EPHA6: variants seen among roughly 807,000 people sequenced by gnomAD.
EPHA6 encodes the protein ephrin type-A receptor 6.
A neutral mutation model predicts 112.0 loss-of-function variants in EPHA6; 50 were observed. The ratio of observed to expected loss-of-function variants is 0.45; its 90% confidence interval spans 0.36 to 0.56. The LOEUF is 0.56. Ranked by LOEUF, EPHA6 falls within the 20% of genes least tolerant of loss-of-function variation. The pLI is 0.00. For synonymous variants in EPHA6, 529 were observed against 490.7 expected (o/e 1.08, Z -1.03); for missense variants, 1,280 against 1,417.4 (o/e 0.90, Z 1.56).
chr3:97,486,407 T>C (rs1364346916), intron 10 of EPHA6, among the ~76,000 whole-genome samples: 1 of 152,210 alleles, frequency 6.6e-6, no homozygotes, highest in Non-Finnish European at 1.5e-5. Context: ...TTTAGATCAT[T>C]GTTATAGCCC....
intron 10 of EPHA6, among the ~76,000 whole-genome samples, chr3:97,522,394 A>T (rs1238049922): frequency 6.6e-6 from 1 of 152,202 alleles, no homozygotes; most frequent in Admixed American, 6.5e-5. Flanking sequence ...CCCAGGGATA[A>T]ATTCCAGTTG....
intron 3 of EPHA6, among the ~76,000 whole-genome samples, chr3:97,045,331 T>C (rs2045466983): frequency 6.6e-6 from 1 of 152,052 alleles, no homozygotes; most frequent in Admixed American, 6.6e-5. Context: ...CATGCAAAGC[T>C]AATTGCAATA....
intron 3 of EPHA6, among the ~76,000 whole-genome samples, chr3:97,064,736 G>A (rs535746519): frequency 1.4e-4 from 22 of 152,240 alleles, no homozygotes; most frequent in Middle Eastern, 3.4e-3. Flanking sequence ...CTGATACCAA[G>A]TGATACTGGT....
At chr3:96,992,508 C>T (rs916277999) in intron 3 of EPHA6, among the ~76,000 whole-genome samples, 1 of 152,188 alleles carries the variant, frequency 6.6e-6, no homozygotes. Context: ...AAGATGGCTT[C>T]ACTCATGTAT....
intron 3 of EPHA6, among the ~76,000 whole-genome samples, chr3:97,168,287 C>G (rs113828253): frequency 6.6e-6 from 1 of 152,060 alleles, no homozygotes; most frequent in Non-Finnish European, 1.5e-5. Flanking sequence ...TTCTATAACA[C>G]TTTGATATGG....
chr3:97,526,208 ACT>A (rs575198562), intron 10 of EPHA6, among the ~76,000 whole-genome samples: 1 of 152,206 alleles, frequency 6.6e-6, no homozygotes, highest in Non-Finnish European at 1.5e-5. Flanking sequence ...CTGAATGGGC[ACT>A]GTGGGACATG....
intron 13 of EPHA6, among the ~76,000 whole-genome samples, chr3:97,623,154 T>C (rs1168107846): frequency 6.6e-6 from 1 of 151,792 alleles, no homozygotes; most frequent in African/African-American, 2.4e-5. Flanking sequence ...GTGGCTTTGG[T>C]ATCATATCTA....
chr3:97,193,505 C>G (rs2077361651), intron 3 of EPHA6, among the ~76,000 whole-genome samples: 1 of 152,112 alleles, frequency 6.6e-6, no homozygotes, highest in African/African-American at 2.4e-5. Context: ...TGCAACTTTA[C>G]TGAGTTTATC....
In EPHA6 at chr3:97,750,430, C is replaced by A. The variant is rs1026814443; in HGVS notation, c.*1729C>A. On this transcript the variant is annotated 3_prime_UTR_variant, in exon 18 of 18. Transcript: ENST00000389672. ...GGAGTGCAATGGTGAGATCTTGGCT[C>A]ACGGCAACCTCTGCCTCCCGGGTTC... Among the ~76,000 whole-genome samples the A allele has an allele frequency of 6.6e-6, 1 of 151,850 alleles. No individual in the cohort carries two copies.
intron 3 of EPHA6, among the ~76,000 whole-genome samples, chr3:97,217,078 A>T (rs1056149836): frequency 6.6e-6 from 1 of 152,184 alleles, no homozygotes; most frequent in Non-Finnish European, 1.5e-5. Flanking sequence ...CCAACTTACT[A>T]TTTAGGGTAA....
chr3:97,436,332 TG>T (rs1295846830), intron 6 of EPHA6, among the ~76,000 whole-genome samples: 1 of 152,160 alleles, frequency 6.6e-6, no homozygotes, highest in Non-Finnish European at 1.5e-5. Context: ...AAGAGATACC[TG>T]CTTTAGTTTT....
chr3:97,056,434 T>C (rs2045855790), intron 3 of EPHA6, among the ~76,000 whole-genome samples: 1 of 152,168 alleles, frequency 6.6e-6, no homozygotes, highest in Non-Finnish European at 1.5e-5. Context: ...CCATAATAGG[T>C]AGCAAAAGCA....
chr3:97,702,611 G>A (rs958376707), intron 14 of EPHA6, among the ~76,000 whole-genome samples: 2 of 152,060 alleles, frequency 1.3e-5, no homozygotes, highest in Non-Finnish European at 2.9e-5. Context: ...TAATGATGAT[G>A]GATGTTTGCA....
At chr3:96,826,804 C>T (rs1031440273) in intron 1 of EPHA6, among the ~76,000 whole-genome samples, 1 of 151,968 alleles carries the variant, frequency 6.6e-6, no homozygotes, top group Admixed American at 6.6e-5. Flanking sequence ...CTTTTCTTTT[C>T]CTTTTGAGAT....
intron 3 of EPHA6, among the ~76,000 whole-genome samples, chr3:97,218,667 G>A (rs1267864063): frequency 6.6e-6 from 1 of 152,006 alleles, no homozygotes; most frequent in African/African-American, 2.4e-5. Flanking sequence ...ACTTGGTTGG[G>A]GATAAAAAGC....
chr3:97,378,807 C>A (rs183872345), intron 5 of EPHA6, among the ~76,000 whole-genome samples: 4 of 152,144 alleles, frequency 2.6e-5, no homozygotes, highest in African/African-American at 7.2e-5. Context: ...GTACTTGTAC[C>A]CCCATTGTAT....
chr3:96,899,000 C>A lies in EPHA6; in HGVS notation c.450+32111C>A, dbSNP rs112823753. Among the ~76,000 whole-genome samples, 88 of 150,942 alleles carry A rather than the reference C, an allele frequency of 5.8e-4. 1 individual carries two copies. Among genetic ancestry groups the A allele is most frequent in the Admixed American group, 2.1e-3 (32 of 15,142 alleles). ...TTGAGATCGCGCCACTGCACTCCAG[C>A]CTGGGCGACAGAGCGAAACTCCATC... On this transcript the variant is annotated intron_variant, in intron 2 of 17. Transcript: ENST00000389672.
At chr3:96,824,167 CTATT>C (rs1360754538) in intron 1 of EPHA6, among the ~76,000 whole-genome samples, 1 of 150,732 alleles carries the variant, frequency 6.6e-6, no homozygotes, top group Admixed American at 6.6e-5. Flanking sequence ...GACCAGCAAT[CTATT>C]TGTTTTCTTA....
intron 14 of EPHA6, among the ~76,000 whole-genome samples, chr3:97,667,632 T>A (rs1034319930): frequency 1.3e-5 from 2 of 152,216 alleles, no homozygotes; most frequent in African/African-American, 4.8e-5. Context: ...CATTTGAACA[T>A]CTTTATATCT....
Sources: gnomAD v4.1 joint callset for allele counts (sites outside exome capture counted in the v4.1 genomes callset) on GRCh38, gnomAD v4.1.1 for gene constraint, MANE v1.5 for transcripts, NCBI Gene and HGNC (gene_info 2026-07-23, HGNC 2026-07-21) for gene names.